The following EPHA3 variants were observed in gnomAD, a reference collection of about 807,000 sequenced individuals.
EPHA3 encodes the protein EPH receptor A3.
Under a neutral mutation model 107.1 loss-of-function variants are expected in EPHA3, and 42 were observed. That is an observed-to-expected ratio of 0.39 (90% CI 0.31 to 0.51). EPHA3 has a LOEUF of 0.51. Among genes scored for constraint, EPHA3 ranks in the 20% least tolerant of loss-of-function variants. The pLI is 0.78. For synonymous variants in EPHA3, 461 were observed against 424.8 expected (o/e 1.09, Z -1.05); for missense variants, 1,183 against 1,211.2 (o/e 0.98, Z 0.35).
chr3:89,187,091 C>T (rs536399760), intron 2 of EPHA3, among the ~76,000 whole-genome samples: 24 of 151,778 alleles, frequency 1.6e-4, no homozygotes, highest in African/African-American at 5.8e-4. Flanking sequence ...GTAGAATTTA[C>T]TCTTTCAGAG....
At chr3:89,123,650 A>T (rs570721359) in intron 1 of EPHA3, among the ~76,000 whole-genome samples, 159 of 152,300 alleles carry the variant, frequency 1.0e-3, no homozygotes, top group African/African-American at 3.7e-3. Flanking sequence ...GCAGTAAAAC[A>T]TGTGAAAGAA....
At chr3:89,319,812 G>A (rs1262623952) in intron 3 of EPHA3, among the ~76,000 whole-genome samples, 3 of 151,914 alleles carry the variant, frequency 2.0e-5, no homozygotes, top group East Asian at 1.9e-4. Flanking sequence ...AAAATTATTA[G>A]TGGTTTTCAG....
chr3:89,230,389 G>A (rs1576249073), intron 3 of EPHA3, among the ~76,000 whole-genome samples: 2 of 152,218 alleles, frequency 1.3e-5, no homozygotes, highest in East Asian at 3.9e-4. Flanking sequence ...ATGCAAGAGT[G>A]CAAAGTTATG....
At chr3:89,470,652 G>A (rs978167483) in intron 15 of EPHA3, among the ~76,000 whole-genome samples, 5 of 152,162 alleles carry the variant, frequency 3.3e-5, no homozygotes, top group African/African-American at 9.6e-5. Flanking sequence ...TATAAACATC[G>A]AATATGCCAC....
intron 5 of EPHA3, among the ~76,000 whole-genome samples, chr3:89,358,400 A>G (rs1170039627): frequency 1.3e-5 from 2 of 151,184 alleles, no homozygotes; most frequent in Non-Finnish European, 3.0e-5. Context: ...GCAATAAATA[A>G]CACACTCAAT....
intron 5 of EPHA3, among the ~76,000 whole-genome samples, chr3:89,342,869 A>C (rs1372634268): frequency 6.6e-6 from 1 of 151,680 alleles, no homozygotes. Flanking sequence ...ACACACACAC[A>C]CACACACACA....
intron 3 of EPHA3, among the ~76,000 whole-genome samples, chr3:89,292,555 C>T (rs1307505734): frequency 6.6e-6 from 1 of 152,028 alleles, no homozygotes; most frequent in African/African-American, 2.4e-5. Context: ...AAAATGCCCT[C>T]CTTGAAAAGA....
At chr3:89,369,595 G>A (rs1041494797) in intron 5 of EPHA3, among the ~76,000 whole-genome samples, 2 of 149,658 alleles carry the variant, frequency 1.3e-5, no homozygotes. Flanking sequence ...CATAGGCATG[G>A]GCAAGGACTT....
Position 89,292,753 on chromosome 3 carries a change from T to C in EPHA3, c.815-48163T>C, listed in dbSNP as rs548901828. Among the ~76,000 whole-genome samples the C allele has an allele frequency of 2.6e-5, 4 of 152,254 alleles. No homozygotes were observed. In the South Asian group the frequency reaches 6.2e-4, roughly 24 times the overall value. On this transcript the variant is annotated intron_variant, in intron 3 of 16. Transcript: ENST00000336596. Reference sequence around the variant, plus strand: ...GTTCTTTTCCTCTTACACACACACATAGAAAATGACTACTGAAGTTTATTA... The same window carrying C: ...GTTCTTTTCCTCTTACACACACACACAGAAAATGACTACTGAAGTTTATTA...
chr3:89,350,118 T>G (rs1469234689), intron 5 of EPHA3, among the ~76,000 whole-genome samples: 1 of 150,834 alleles, frequency 6.6e-6, no homozygotes, highest in Non-Finnish European at 1.5e-5. Flanking sequence ...TCTCGAGGAG[T>G]ATCTTTGTGG....
chr3:89,307,459 G>C (rs1248970300), intron 3 of EPHA3, among the ~76,000 whole-genome samples: 1 of 152,190 alleles, frequency 6.6e-6, no homozygotes, highest in Admixed American at 6.5e-5. Context: ...CTGGTTAAGT[G>C]TGTGGAAAAA....
intron 13 of EPHA3, among the ~76,000 whole-genome samples, chr3:89,447,514 A>C (rs1349968150): frequency 1.3e-5 from 2 of 152,110 alleles, no homozygotes; most frequent in Admixed American, 1.3e-4. Flanking sequence ...TTCCAATCTT[A>C]TCACTCTCCT....
At chr3:89,278,000 ATTTGATTTTT>A (rs1705850479) in intron 3 of EPHA3, among the ~76,000 whole-genome samples, 1 of 152,052 alleles carries the variant, frequency 6.6e-6, no homozygotes, top group Admixed American at 6.6e-5. Flanking sequence ...TCTCAAATGT[ATTTGATTTTT>A]TTTGACAAAG....
intron 2 of EPHA3, among the ~76,000 whole-genome samples, chr3:89,166,715 ATATCAGAAATGTCG>A (rs567057861): frequency 6.2e-4 from 94 of 152,288 alleles, no homozygotes; most frequent in African/African-American, 2.2e-3. Context: ...ACACAGTGAC[ATATCAGAAATGTCG>A]TACTCTCAGA....
At chr3:89,199,698 T>A in intron 2 of EPHA3, among the ~76,000 whole-genome samples, 1 of 152,226 alleles carries the variant, frequency 6.6e-6, no homozygotes, top group Non-Finnish European at 1.5e-5. Context: ...ATCTGAATTA[T>A]AAATTTACTG....
intron 5 of EPHA3, among the ~76,000 whole-genome samples, chr3:89,358,279 T>C (rs1468615264): frequency 1.3e-5 from 2 of 151,206 alleles, no homozygotes; most frequent in Non-Finnish European, 3.0e-5. Flanking sequence ...TGCTGGCTGC[T>C]TATTAAGTGA....
chr3:89,152,977 G>A (rs1295304081), intron 2 of EPHA3, among the ~76,000 whole-genome samples: 1 of 152,002 alleles, frequency 6.6e-6, no homozygotes, highest in Admixed American at 6.6e-5. Context: ...TAAATATCAT[G>A]TGTGTATTTA....
At chr3:89,436,004 G>T (rs918168025) in intron 13 of EPHA3, among the ~76,000 whole-genome samples, 4 of 151,450 alleles carry the variant, frequency 2.6e-5, no homozygotes, top group Admixed American at 2.0e-4. Flanking sequence ...TATTAGGCAT[G>T]GAGACGCTCA....
At chr3:89,216,566 CT>C (rs937932465) in intron 3 of EPHA3, among the ~76,000 whole-genome samples, 2 of 152,018 alleles carry the variant, frequency 1.3e-5, no homozygotes, top group African/African-American at 4.8e-5. Flanking sequence ...TAAAGAAAGT[CT>C]TGAAATTCCT....
Sources: allele counts gnomAD v4.1 joint callset (sites outside exome capture counted in the v4.1 genomes callset), GRCh38; gene constraint gnomAD v4.1.1; transcripts MANE v1.5; gene names NCBI Gene and HGNC (gene_info 2026-07-23, HGNC 2026-07-21).